Variants in MAD1L1 observed in about 807,000 individuals in gnomAD.
The protein encoded by MAD1L1 is mitotic arrest deficient 1 like 1.
In MAD1L1, 95 loss-of-function variants were observed where a neutral mutation model predicts 96.9. That is an observed-to-expected ratio of 0.98 (90% CI 0.83 to 1.16). MAD1L1 has a LOEUF of 1.16. Among genes scored for constraint, MAD1L1 ranks in the 50% most tolerant of loss-of-function variants. The probability of loss-of-function intolerance (pLI) is 0.00; values close to 1 mark genes in which losing one functional copy is unlikely to be tolerated. For synonymous variants in MAD1L1, 473 were observed against 396.6 expected, an observed-to-expected ratio of 1.19 and a Z score of -2.29; for missense variants, 1,007 against 954.4, an observed-to-expected ratio of 1.06 and a Z score of -0.73.
At chr7:2,150,139 G>A (rs775727194) in intron 10 of MAD1L1, among the ~76,000 whole-genome samples, 13 of 152,182 alleles carry the variant, frequency 8.5e-5, no homozygotes, top group Admixed American at 2.6e-4. Context: ...ATGAGCAACG[G>A]GGACCCCGAC....
intron 11 of MAD1L1, among the ~76,000 whole-genome samples, chr7:2,102,433 CCTCACCACCACTGCTACTGTCACCA>C (rs201769468): frequency 0.25 from 37,878 of 148,684 alleles, 5,039 homozygotes; most frequent in Middle Eastern, 0.39. Context: ...CCACTGTCAC[CCTCACCACCACTGCTACTGTCACCA>C]CTCACCACCA....
intron 13 of MAD1L1, among the ~76,000 whole-genome samples, chr7:2,009,552 C>T (rs982440558): frequency 2.6e-5 from 4 of 152,216 alleles, no homozygotes; most frequent in African/African-American, 9.6e-5. Flanking sequence ...GCTAACCAGG[C>T]CACAGCCCCA....
chr7:2,165,618 T>A (rs530562277), intron 10 of MAD1L1, among the ~76,000 whole-genome samples: 34 of 90,886 alleles, frequency 3.7e-4, no homozygotes, highest in Middle Eastern at 7.2e-3. Flanking sequence ...CTGCGCCGTG[T>A]TTCACTAAAC....
At chr7:1,887,096 TA>T (rs1786084186) in intron 18 of MAD1L1, among the ~76,000 whole-genome samples, 1 of 152,228 alleles carries the variant, frequency 6.6e-6, no homozygotes, top group African/African-American at 2.4e-5. Context: ...TCACTCAGGC[TA>T]GGGGGGCTCC....
At chr7:1,834,383 G>T (rs1782846946) in intron 18 of MAD1L1, among the ~76,000 whole-genome samples, 1 of 152,214 alleles carries the variant, frequency 6.6e-6, no homozygotes, top group South Asian at 2.1e-4. Flanking sequence ...GCTGTTTCTA[G>T]CCAGACTGAC....
At chr7:2,149,009 C>A in intron 11 of MAD1L1, 143 bp downstream of exon 11, 1 of 699,434 alleles carries the variant, frequency 1.4e-6, no homozygotes. Context: ...CAAATCCCTG[C>A]TCCCCCATCT....
chr7:1,906,871 C>T (rs868684878), intron 17 of MAD1L1, among the ~76,000 whole-genome samples: 3 of 152,350 alleles, frequency 2.0e-5, no homozygotes, highest in East Asian at 1.9e-4. Context: ...GGGACACACA[C>T]GCCTACTGCT....
intron 12 of MAD1L1, among the ~76,000 whole-genome samples, chr7:2,055,200 G>C (rs1271189297): frequency 6.6e-6 from 1 of 152,182 alleles, no homozygotes; most frequent in African/African-American, 2.4e-5. Context: ...ACAGAAAGCA[G>C]GGAGTGAATG....
At chr7:2,085,685 C>T (rs3778951) in intron 11 of MAD1L1, among the ~76,000 whole-genome samples, 6,934 of 152,276 alleles carry the variant, frequency 0.046, 255 homozygotes, top group African/African-American at 0.095. Context: ...AATAACTCCT[C>T]GCTGGGTGGA....
chr7:1,822,584 C>G (rs1333390605), intron 18 of MAD1L1, among the ~76,000 whole-genome samples: 3 of 151,786 alleles, frequency 2.0e-5, no homozygotes, highest in Non-Finnish European at 4.4e-5. Flanking sequence ...CGCACCACCA[C>G]TCATGGCTGT....
At chr7:2,207,725 T>G (rs992408682) in intron 10 of MAD1L1, among the ~76,000 whole-genome samples, 2 of 152,202 alleles carry the variant, frequency 1.3e-5, no homozygotes, top group African/African-American at 4.8e-5. Context: ...AGCCAATTAA[T>G]GAAACCCAAG....
intron 15 of MAD1L1, among the ~76,000 whole-genome samples, chr7:1,966,512 C>T (rs1404947137): frequency 1.7e-5 from 2 of 119,882 alleles, no homozygotes; most frequent in Admixed American, 2.2e-4. Flanking sequence ...AAGTGAATTG[C>T]TGAAAAAGTA....
chr7:1,903,989 T>C (rs377371362), intron 17 of MAD1L1, among the ~76,000 whole-genome samples: 3 of 119,396 alleles, frequency 2.5e-5, no homozygotes, highest in Middle Eastern at 4.8e-3. Context: ...TGAAGCACTG[T>C]TCCAGGCAGC....
intron 12 of MAD1L1, among the ~76,000 whole-genome samples, chr7:2,016,109 A>G (rs1041305573): frequency 2.6e-5 from 4 of 152,226 alleles, no homozygotes; most frequent in African/African-American, 9.6e-5. Flanking sequence ...TGATGCTGTC[A>G]GGAATGAACT....
rs1262985033 is a variant in MAD1L1 at position 2,014,420 on chromosome 7, C to T, written c.1359+82G>A. The T allele has an allele frequency of 6.8e-6, 10 of 1,473,476 alleles. No homozygotes were observed. The East Asian group carries it at 2.2e-4, about 32-fold the overall frequency. The allele number at this position is 1,473,476 out of a possible 1,614,324, so 91.3% of individuals were successfully genotyped here. A position where few individuals can be genotyped will look rare whatever the true frequency, so the allele number is the denominator to read the frequency against. On this transcript the variant is annotated intron_variant, in intron 13 of 18. Coordinates refer to ENST00000265854, the MANE Select transcript of MAD1L1 (RefSeq NM_001013836.2). ...TGGGGAGGCGGGGTCCAGACCTCCACCTCCCCGCCGCAGGCTCTGCCAAGG... is the reference window on the plus strand; with the variant it reads ...TGGGGAGGCGGGGTCCAGACCTCCATCTCCCCGCCGCAGGCTCTGCCAAGG...
Position 2,230,149 on chromosome 7 carries a change from G to C in MAD1L1, c.-10-6C>G, listed in dbSNP as rs759975393. 3.2e-6 allele frequency: 5 copies of C among 1,576,902 alleles called. No individual in the cohort carries two copies. Among genetic ancestry groups the C allele is most frequent in the Non-Finnish European group, 4.3e-6 (5 of 1,160,612 alleles). ...GGTCTTCCATGGTTGCTTTCCTTCC[G>C]GGGACAGACAAAGGACTGGTCAGGG... On this transcript the variant is annotated splice_polypyrimidine_tract_variant and splice_region_variant and intron_variant, in intron 2 of 18. Transcript: ENST00000265854.
intron 6 of MAD1L1, among the ~76,000 whole-genome samples, chr7:2,218,294 G>A (rs1004030679): frequency 1.3e-5 from 2 of 152,098 alleles, no homozygotes; most frequent in Non-Finnish European, 2.9e-5. Context: ...GACGGGGTGC[G>A]TAGTGAGCCC....
chr7:2,163,518 C>T (rs1411138810), intron 10 of MAD1L1, among the ~76,000 whole-genome samples: 2 of 152,030 alleles, frequency 1.3e-5, no homozygotes, highest in African/African-American at 4.8e-5. Flanking sequence ...GGATTACAGG[C>T]GCATGACACC....
chr7:1,971,700 A>T (rs1244809390), intron 15 of MAD1L1, among the ~76,000 whole-genome samples: 2 of 152,200 alleles, frequency 1.3e-5, no homozygotes, highest in Non-Finnish European at 2.9e-5. Context: ...AGACAAAGAA[A>T]AGAAGGCACA....
Sources: allele counts gnomAD v4.1 joint callset (sites outside exome capture counted in the v4.1 genomes callset), GRCh38; gene constraint gnomAD v4.1.1; transcripts MANE v1.5; gene names NCBI Gene and HGNC (gene_info 2026-07-23, HGNC 2026-07-21).